NAALADL2: variants seen among roughly 807,000 people sequenced by gnomAD.
NAALADL2 encodes the protein N-acetylated alpha-linked acidic dipeptidase like 2, also known as inactive N-acetylated-alpha-linked acidic dipeptidase-like protein 2.
A neutral mutation model predicts 87.2 loss-of-function variants in NAALADL2; 76 were observed. The ratio of observed to expected loss-of-function variants is 0.87; its 90% CI spans 0.72 to 1.05. The LOEUF is 1.05. Among genes scored for constraint, NAALADL2 ranks in the 50% least tolerant of loss-of-function variants. The pLI is 0.00. For missense variants in NAALADL2, 1,089 were observed against 945.8 expected (o/e 1.15, Z -1.99); for synonymous variants, 354 against 331.0 (o/e 1.07, Z -0.75).
chr3:174,635,069 C>A (rs1722496715), intron 2 of NAALADL2, among the ~76,000 whole-genome samples: 1 of 152,188 alleles, frequency 6.6e-6, no homozygotes, highest in Non-Finnish European at 1.5e-5. Flanking sequence ...GGTACACATT[C>A]CCAAACACAC....
intron 13 of NAALADL2, among the ~76,000 whole-genome samples, chr3:175,790,804 A>AAAGAT (rs1334384082): frequency 2.0e-5 from 3 of 152,222 alleles, no homozygotes; most frequent in Non-Finnish European, 2.9e-5. Flanking sequence ...TCATTTTCAA[A>AAAGAT]AAGATAACTC....
chr3:174,806,697 C>T (rs911121024), intron 3 of NAALADL2, among the ~76,000 whole-genome samples: 3 of 152,168 alleles, frequency 2.0e-5, no homozygotes, highest in South Asian at 2.1e-4. Flanking sequence ...AAGCTCTGTT[C>T]TTTCCTCTGT....
At chr3:175,302,089 C>T (rs562847691) in intron 4 of NAALADL2, among the ~76,000 whole-genome samples, 1 of 152,224 alleles carries the variant, frequency 6.6e-6, no homozygotes, top group Admixed American at 6.5e-5. Flanking sequence ...AATAATTTCT[C>T]ATGTTTAAAT....
At chr3:174,515,045 G>A (rs1719858588) in intron 1 of NAALADL2, among the ~76,000 whole-genome samples, 1 of 151,982 alleles carries the variant, frequency 6.6e-6, no homozygotes, top group Admixed American at 6.5e-5. Flanking sequence ...TTTCAGAAAC[G>A]AAACAAAGAT....
chr3:175,174,469 C>G (rs1358730445), intron 2 of NAALADL2, among the ~76,000 whole-genome samples: 1 of 151,428 alleles, frequency 6.6e-6, no homozygotes, highest in Non-Finnish European at 1.5e-5. Context: ...TTCATATTGC[C>G]CTCAGTATTT....
chr3:175,657,699 G>T (rs1419785381), intron 11 of NAALADL2, among the ~76,000 whole-genome samples: 1 of 151,548 alleles, frequency 6.6e-6, no homozygotes, highest in African/African-American at 2.4e-5. Context: ...TCCTGCCTCA[G>T]CCTCCCAAGT....
At position 175,535,850 on chromosome 3, in the gene NAALADL2, C is replaced by T. The variant is rs538365441; in HGVS notation, c.1654-40191C>T. On this transcript the variant is annotated intron_variant, in intron 9 of 13. Coordinates refer to ENST00000454872, the MANE Select transcript of NAALADL2 (RefSeq NM_207015.3). ...GCATGATATAATAACTACCTGTAAA[C>T]GGGTGAGATCTCAAGCAATATAAGT... 5.3e-5 allele frequency among the ~76,000 whole-genome samples: 8 copies of T among 152,296 alleles called. No homozygotes were observed. The East Asian group carries it at 5.8e-4, about 11-fold the overall frequency.
chr3:175,558,997 T>A (rs1230527057), intron 9 of NAALADL2, among the ~76,000 whole-genome samples: 1 of 152,146 alleles, frequency 6.6e-6, no homozygotes, highest in Non-Finnish European at 1.5e-5. Context: ...TTACATTAAA[T>A]CTGTAGATTG....
At chr3:175,434,458 T>G (rs1346920953) in intron 5 of NAALADL2, among the ~76,000 whole-genome samples, 1 of 152,016 alleles carries the variant, frequency 6.6e-6, no homozygotes, top group Non-Finnish European at 1.5e-5. Context: ...GCTAGCTCAT[T>G]TATTCTAGCA....
At chr3:175,550,991 T>C (rs1714248997) in intron 9 of NAALADL2, among the ~76,000 whole-genome samples, 1 of 152,230 alleles carries the variant, frequency 6.6e-6, no homozygotes, top group South Asian at 2.1e-4. Context: ...GTGGTAGAGT[T>C]GGGCATAATT....
At chr3:175,520,948 T>G (rs1437197246) in intron 9 of NAALADL2, among the ~76,000 whole-genome samples, 1 of 152,150 alleles carries the variant, frequency 6.6e-6, no homozygotes, top group Admixed American at 6.5e-5. Flanking sequence ...GATTAGAATC[T>G]AAAATTTCGT....
chr3:175,567,333 C>G (rs1717315081), intron 9 of NAALADL2, among the ~76,000 whole-genome samples: 1 of 151,598 alleles, frequency 6.6e-6, no homozygotes, highest in Non-Finnish European at 1.5e-5. Flanking sequence ...AAAACACCAG[C>G]TAGAAGCTGG....
At chr3:175,775,511 AAATTCATT>A (rs1385535477) in intron 13 of NAALADL2, among the ~76,000 whole-genome samples, 7 of 152,116 alleles carry the variant, frequency 4.6e-5, no homozygotes, top group Non-Finnish European at 8.8e-5. Context: ...CTTCATTCAT[AAATTCATT>A]AATTCAGCAA....
intron 1 of NAALADL2, among the ~76,000 whole-genome samples, chr3:175,016,534 G>A (rs1316371485): frequency 6.6e-6 from 1 of 150,990 alleles, no homozygotes; most frequent in East Asian, 1.9e-4. Context: ...TTATCTCTGA[G>A]GTTTCTTTTG....
At chr3:174,943,185 T>C (rs1351953420) in intron 1 of NAALADL2, among the ~76,000 whole-genome samples, 1 of 152,202 alleles carries the variant, frequency 6.6e-6, no homozygotes, top group Non-Finnish European at 1.5e-5. Flanking sequence ...AATTGCATTG[T>C]AGATGGAGTA....
In NAALADL2 at chr3:174,445,633, T is replaced by C. The variant is rs1280425867; in HGVS notation, c.-184+4601T>C. Among the ~76,000 whole-genome samples, 3 of 152,320 alleles carry C rather than the reference T, an allele frequency of 2.0e-5. No individual in the cohort carries two copies. The East Asian group carries it at 5.8e-4, about 29-fold the overall frequency. On this transcript the variant is annotated intron_variant, in intron 1 of 3. Coordinates refer to the NAALADL2 transcript ENST00000434257. ...TTCTACCTCTCTTTCCTCACACATATATAACTATTAGATGTCGGCATGCAC... is the reference window on the plus strand; with the variant it reads ...TTCTACCTCTCTTTCCTCACACATACATAACTATTAGATGTCGGCATGCAC...
chr3:175,163,072 T>C (rs1580749768), intron 2 of NAALADL2, among the ~76,000 whole-genome samples: 1 of 152,106 alleles, frequency 6.6e-6, no homozygotes, highest in East Asian at 1.9e-4. Flanking sequence ...ATATATTGTT[T>C]CCGAAAAGTG....
At chr3:175,731,212 G>C (rs1743694159) in intron 11 of NAALADL2, among the ~76,000 whole-genome samples, 1 of 152,130 alleles carries the variant, frequency 6.6e-6, no homozygotes, top group African/African-American at 2.4e-5. Flanking sequence ...ACTTGAGCAA[G>C]TTAACTAATC....
In NAALADL2 at chr3:175,288,215, C is replaced by A. The variant is rs147546010; in HGVS notation, c.939+31685C>A. ...TCCTCCCTCAGGAAAAATTTGATGT[C>A]CCAGTTTAAAAGTAGTCAAGCAGGA... On this transcript the variant is annotated intron_variant, in intron 4 of 13. Coordinates refer to ENST00000454872, the MANE Select transcript of NAALADL2 (RefSeq NM_207015.3). 2.0e-3 allele frequency among the ~76,000 whole-genome samples: 299 copies of A among 152,156 alleles called. 1 individual carries two copies. Among genetic ancestry groups the A allele is most frequent in the African/African-American group, 7.0e-3 (292 of 41,508 alleles).
Sources: allele counts gnomAD v4.1 joint callset (sites outside exome capture counted in the v4.1 genomes callset), GRCh38; gene constraint gnomAD v4.1.1; transcripts MANE v1.5; gene names NCBI Gene and HGNC (gene_info 2026-07-23, HGNC 2026-07-21).